Variants in NAALAD2 observed in about 807,000 individuals in gnomAD.
NAALAD2 encodes the protein N-acetylated alpha-linked acidic dipeptidase 2.
Under a neutral mutation model 95.6 loss-of-function variants are expected in NAALAD2, and 89 were observed. That is an observed-to-expected ratio of 0.93 (90% confidence interval 0.78 to 1.11). The LOEUF is 1.11. Among genes scored for constraint, NAALAD2 ranks in the 50% least tolerant of loss-of-function variants. The probability of loss-of-function intolerance (pLI) is 0.00; values close to 1 mark genes in which losing one functional copy is unlikely to be tolerated. For missense variants in NAALAD2, 894 were observed against 872.4 expected, an observed-to-expected ratio of 1.02 and a Z score of -0.31; for synonymous variants, 264 against 294.4, an observed-to-expected ratio of 0.90 and a Z score of 1.06.
chr11:90,149,301 G>A (rs989369631), intron 4 of NAALAD2, among the ~76,000 whole-genome samples, 194 bp downstream of exon 4: 1 of 152,036 alleles, frequency 6.6e-6, no homozygotes, highest in African/African-American at 2.4e-5. Flanking sequence ...GAACACCAGA[G>A]AAAAAAGAAA....
rs567689250 is a variant in NAALAD2 at position 90,139,771 on chromosome 11, A to G, written c.194+4101A>G. Among the ~76,000 whole-genome samples, 14 of 152,208 alleles carry G rather than the reference A, an allele frequency of 9.2e-5. 1 individual carries two copies. The highest frequency in any genetic ancestry group is 2.6e-4 in the African/African-American group (11 of 41,536). On this transcript the variant is annotated intron_variant, in intron 2 of 18. Transcript: ENST00000534061. ...CACCCACATAAAAGCTACATTTTCAATACAAGAAAAAAAGGTAATTTGCAA... is the reference window on the plus strand; with the variant it reads ...CACCCACATAAAAGCTACATTTTCAGTACAAGAAAAAAAGGTAATTTGCAA...
rs769185249 is a variant in NAALAD2 at position 90,136,805 on chromosome 11, A to C, written c.194+1135A>C. Among the ~76,000 whole-genome samples the C allele has an allele frequency of 1.7e-4, 26 of 152,218 alleles. 1 individual carries two copies. The highest frequency in any genetic ancestry group is 3.3e-4 in the Admixed American group (5 of 15,282). On this transcript the variant is annotated intron_variant, in intron 2 of 18. Transcript: ENST00000534061. ...GAAATGGTTGAGTTTGATGATAAGC[A>C]TAAGTTTAACTTTTTAAGAAAATGC...
At chr11:90,147,582 G>A in intron 3 of NAALAD2, 66 bp downstream of exon 3, 3 of 1,386,972 alleles carry the variant, frequency 2.2e-6, no homozygotes, top group South Asian at 1.4e-5. Context: ...TTGTAATGTA[G>A]GGTCAAGTAA....
chr11:90,187,702 CT>C (rs1857196724), intron 18 of NAALAD2, among the ~76,000 whole-genome samples: 1 of 152,048 alleles, frequency 6.6e-6, no homozygotes, highest in South Asian at 2.1e-4. Context: ...AGAGTAAAAA[CT>C]TTCAGTACGT....
intron 6 of NAALAD2, among the ~76,000 whole-genome samples, chr11:90,155,372 ATTACAT>A (rs1161500284): frequency 5.1e-5 from 4 of 78,028 alleles, no homozygotes; most frequent in Non-Finnish European, 8.7e-5. Context: ...AATATGTAAT[ATTACAT>A]ATTATACATG....
chr11:90,167,958 A>C (rs887680439), intron 11 of NAALAD2, among the ~76,000 whole-genome samples: 6 of 152,222 alleles, frequency 3.9e-5, no homozygotes, highest in Non-Finnish European at 8.8e-5. Flanking sequence ...CCGGAGCAGC[A>C]GTGGCAACCC....
upstream of NAALAD2, chr11:90,134,513 G>A (rs1226137424): frequency 1.9e-6 from 1 of 515,288 alleles, no homozygotes; most frequent in African/African-American, 1.9e-5. Context: ...GGTTACTGCG[G>A]GATCCACAGA....
intron 6 of NAALAD2, among the ~76,000 whole-genome samples, chr11:90,156,010 G>T (rs2134892575): frequency 6.6e-6 from 1 of 150,756 alleles, no homozygotes; most frequent in Admixed American, 6.7e-5. Flanking sequence ...CTAACTTGCT[G>T]AATTTATGAG....
chr11:90,150,608 G>C lies in NAALAD2; in HGVS notation c.609+1G>C, dbSNP rs779712175. 1 of 1,581,860 alleles carries C rather than the reference G, an allele frequency of 6.3e-7. No homozygotes were observed. Among genetic ancestry groups the C allele is most frequent in the Non-Finnish European group, 8.7e-7 (1 of 1,154,210 alleles). On this transcript the variant is annotated splice_donor_variant, in intron 5 of 18. Coordinates refer to ENST00000534061, the MANE Select transcript of NAALAD2 (RefSeq NM_005467.4). LOFTEE classifies it high-confidence loss of function. ...TGGAAAAATCTTCAGAGGAAATAAA[G>C]TACAGTATTATTTGTTTTTCTACAG...
chr11:90,150,741 G>A, intron 5 of NAALAD2, 134 bp downstream of exon 5: 2 of 654,084 alleles, frequency 3.1e-6, no homozygotes, highest in Non-Finnish European at 4.4e-6. Flanking sequence ...ATTTGCCATG[G>A]GTACACGGAA....
intron 2 of NAALAD2, 117 bp downstream of exon 2, chr11:90,135,787 A>T: frequency 1.4e-6 from 1 of 714,244 alleles, no homozygotes; most frequent in Non-Finnish European, 2.1e-6. Context: ...ATTACATATT[A>T]GTCATCAACT....
intron 6 of NAALAD2, among the ~76,000 whole-genome samples, chr11:90,155,863 A>T (rs1952100642): frequency 7.0e-6 from 1 of 142,112 alleles, no homozygotes; most frequent in Non-Finnish European, 1.5e-5. Flanking sequence ...ATTATATTAT[A>T]TATAATATGT....
intron 11 of NAALAD2, among the ~76,000 whole-genome samples, chr11:90,165,717 T>C (rs1266316423): frequency 1.3e-5 from 2 of 152,338 alleles, no homozygotes; most frequent in East Asian, 1.9e-4. Flanking sequence ...CAAATTTTAT[T>C]AGTTCAGGTC....
At chr11:90,174,200 G>T (rs939433550) in intron 14 of NAALAD2, among the ~76,000 whole-genome samples, 1 of 151,964 alleles carries the variant, frequency 6.6e-6, no homozygotes, top group African/African-American at 2.4e-5. Flanking sequence ...TCATGGTAGC[G>T]GGCACTTGTA....
At chr11:90,159,953 TAAAAA>T (rs759940395) in intron 8 of NAALAD2, among the ~76,000 whole-genome samples, 1 of 75,450 alleles carries the variant, frequency 1.3e-5, no homozygotes, top group African/African-American at 4.5e-5. Context: ...AAACTCCATC[TAAAAA>T]AAAAAAAAAA....
At chr11:90,185,648 A>G (rs566073405) in intron 18 of NAALAD2, among the ~76,000 whole-genome samples, 3 of 152,166 alleles carry the variant, frequency 2.0e-5, no homozygotes, top group African/African-American at 4.8e-5. Context: ...AGCTTCGACA[A>G]TCTCTAAGAT....
intron 11 of NAALAD2, among the ~76,000 whole-genome samples, chr11:90,166,244 CCTCT>C (rs1460780854): frequency 1.4e-5 from 2 of 148,120 alleles, no homozygotes; most frequent in African/African-American, 5.1e-5. Context: ...TCAGCATGTT[CCTCT>C]CTGTCTGTGT....
At chr11:90,166,505 A>G (rs1008507585) in intron 11 of NAALAD2, among the ~76,000 whole-genome samples, 2 of 152,226 alleles carry the variant, frequency 1.3e-5, no homozygotes, top group Admixed American at 6.5e-5. Flanking sequence ...TCAAACTTCA[A>G]TGTATGTAAG....
At chr11:90,180,561 A>C (rs7358331) in intron 16 of NAALAD2, among the ~76,000 whole-genome samples, 1 of 151,704 alleles carries the variant, frequency 6.6e-6, no homozygotes, top group African/African-American at 2.4e-5. Context: ...AATTCTTTCC[A>C]TTAGGTGTGA....
Sources: gnomAD v4.1 joint callset for allele counts (sites outside exome capture counted in the v4.1 genomes callset) on GRCh38, gnomAD v4.1.1 for gene constraint, MANE v1.5 for transcripts, NCBI Gene and HGNC (gene_info 2026-07-23, HGNC 2026-07-21) for gene names.